Variants in RTF2 observed in about 807,000 individuals in gnomAD.
RTF2 encodes the protein UPF0549 protein C20orf43.
A neutral mutation model predicts 38.0 loss-of-function variants in RTF2; 18 were observed. The ratio of observed to expected loss-of-function variants is 0.47; its 90% CI spans 0.33 to 0.70. The LOEUF (loss-of-function observed/expected upper bound fraction) is 0.70. Among genes scored for constraint, RTF2 ranks in the 30% least tolerant of loss-of-function variants. The pLI is 0.02. For synonymous variants in RTF2, 126 were observed against 137.1 expected (o/e 0.92, Z 0.57); for missense variants, 311 against 379.6 (o/e 0.82, Z 1.50).
In RTF2 at chr20:56,518,439, C is replaced by T. The variant is rs1600842023; in HGVS notation, c.*174C>T. 1 of 592,784 alleles carries T rather than the reference C, an allele frequency of 1.7e-6. No homozygotes were observed. Among genetic ancestry groups the T allele is most frequent in the East Asian group, 3.1e-5 (1 of 32,608 alleles). 36.7% of individuals were successfully genotyped at this position (592,784 alleles called of 1,614,324 possible). A position where few individuals can be genotyped will look rare whatever the true frequency, so the allele number is the denominator to read the frequency against. On this transcript the variant is annotated 3_prime_UTR_variant, in exon 9 of 9. Coordinates refer to ENST00000357348, the MANE Select transcript of RTF2 (RefSeq NM_016407.5). ...ACTCTTGATGTGAGGCGTGTCGGTT[C>T]CAGGGGGGACATGGGAGGGGCTGCA...
At position 56,491,766 on chromosome 20, in the gene RTF2, TGTCTTC is replaced by T. The variant is rs1352652086; in HGVS notation, c.477+7579_477+7584del. 1.9e-6 allele frequency: 3 copies of T among 1,551,592 alleles called. No homozygotes were observed. In the African/African-American group the frequency reaches 4.1e-5, roughly 21 times the overall value. On this transcript the variant is annotated intron_variant, in intron 5 of 8. Transcript: ENST00000357348. ...AGGTCTCCTGGTCCGTATACGCAGATGTCTTCGACGTAGCGGCCTGCAGAAAGAAAC... is the reference window on the plus strand; with the variant it reads ...AGGTCTCCTGGTCCGTATACGCAGATGACGTAGCGGCCTGCAGAAAGAAAC...
At position 56,518,207 on chromosome 20, in the gene RTF2, C is replaced by T; in HGVS notation, c.863C>T (p.Ala288Val). The change falls in exon 9 of 9, where the codon GCC (alanine) becomes GTC (valine). Residue 288 changes from alanine (A) to valine (V), a missense_variant. Coordinates refer to ENST00000357348, the MANE Select transcript of RTF2 (RefSeq NM_016407.5). ...YKSLFTTHSS[A>V]KRSKEESAHW... Reference sequence around the variant, plus strand: ...TCCCTCTTTACCACTCACAGCTCCGCCAAGCGCTCCAAGGAGGAGTCTGCC... The same window carrying T: ...TCCCTCTTTACCACTCACAGCTCCGTCAAGCGCTCCAAGGAGGAGTCTGCC... 1 of 1,614,182 alleles carries T rather than the reference C, an allele frequency of 6.2e-7. No homozygotes were observed.
intron 5 of RTF2, among the ~76,000 whole-genome samples, chr20:56,502,733 T>A (rs1295822411): frequency 2.0e-5 from 3 of 152,344 alleles, no homozygotes; most frequent in African/African-American, 7.2e-5. Flanking sequence ...AGCAGTTGAT[T>A]TAGCACCCAA....
At chr20:56,512,936 C>T (rs1164486930) in intron 5 of RTF2, among the ~76,000 whole-genome samples, 5 of 152,186 alleles carry the variant, frequency 3.3e-5, no homozygotes, top group Non-Finnish European at 2.9e-5. Flanking sequence ...TTTATACCCT[C>T]GGCCCAGCAT....
chr20:56,487,291 T>C (rs955395666), intron 5 of RTF2, among the ~76,000 whole-genome samples: 1 of 152,164 alleles, frequency 6.6e-6, no homozygotes. Flanking sequence ...ATATCGTTGG[T>C]GCTTGGGAAG....
At chr20:56,492,223 A>T (rs1038000234) in intron 5 of RTF2, among the ~76,000 whole-genome samples, 3 of 151,548 alleles carry the variant, frequency 2.0e-5, no homozygotes, top group African/African-American at 7.3e-5. Context: ...GACCCCAGAC[A>T]TGCACCACCA....
chr20:56,497,715 C>T (rs975093626), intron 5 of RTF2: 2 of 810,980 alleles, frequency 2.5e-6, no homozygotes, highest in Admixed American at 7.6e-5. Flanking sequence ...TTCTCCCCCC[C>T]AACTTTATTG....
In RTF2 at chr20:56,484,240, A is replaced by G. The variant is rs373590025; in HGVS notation, c.477+51A>G. ...TTCCTTCTCTGTAGCTGAGGAAATC[A>G]GATGGTTTAGGGTCCTTTCCCTCCA... On this transcript the variant is annotated intron_variant, in intron 5 of 8. Transcript: ENST00000357348. The G allele has an allele frequency of 2.0e-4, 285 of 1,443,048 alleles. 2 individuals carry two copies. Among genetic ancestry groups the G allele is most frequent in the South Asian group, 1.7e-3 (145 of 87,566 alleles). The allele number at this position is 1,443,048 out of a possible 1,614,324, so 89.4% of individuals were successfully genotyped here. A position where few individuals can be genotyped will look rare whatever the true frequency, so the allele number is the denominator to read the frequency against.
chr20:56,486,385 A>C (rs1044378290), intron 5 of RTF2, among the ~76,000 whole-genome samples: 1 of 152,212 alleles, frequency 6.6e-6, no homozygotes, highest in East Asian at 1.9e-4. Flanking sequence ...ACAGTGGCTC[A>C]TGCCTGTAAT....
rs1248222611 is a variant in RTF2 at position 56,489,218 on chromosome 20, G to GTT, written c.477+5030_477+5031dup. On this transcript the variant is annotated intron_variant, in intron 5 of 8. Transcript: ENST00000357348. ...CTACAGGCGCCCACCACCATGCCTG[G>GTT]TTATTTTTTTTTTTTTTTTGTATTT... Among the ~76,000 whole-genome samples, 77 of 79,238 alleles carry GTT rather than the reference G, an allele frequency of 9.7e-4. 1 individual carries two copies. The highest frequency in any genetic ancestry group is 3.7e-3 in the African/African-American group (73 of 19,964). The allele number at this position is 79,238 out of a possible 152,430, so 52.0% of individuals were successfully genotyped here.
intron 8 of RTF2, among the ~76,000 whole-genome samples, chr20:56,517,536 C>T (rs77678507): frequency 4.0e-4 from 61 of 152,176 alleles, no homozygotes; most frequent in Admixed American, 1.2e-3. Context: ...TCAGGGCCTG[C>T]GGGGAATGCC....
chr20:56,470,099 A>G (rs1452921548), intron 1 of RTF2, among the ~76,000 whole-genome samples: 2 of 152,184 alleles, frequency 1.3e-5, no homozygotes, highest in African/African-American at 2.4e-5. Flanking sequence ...CATAATAGAC[A>G]CCTAATAAGT....
At chr20:56,490,758 G>T (rs182552832) in intron 5 of RTF2, among the ~76,000 whole-genome samples, 2 of 152,192 alleles carry the variant, frequency 1.3e-5, no homozygotes, top group African/African-American at 4.8e-5. Context: ...CAGAGATTGC[G>T]GTGAGCCGAG....
In RTF2 at chr20:56,513,444, A is replaced by G; in HGVS notation, c.591+16A>G. On this transcript the variant is annotated intron_variant, in intron 6 of 8. Coordinates refer to ENST00000357348, the MANE Select transcript of RTF2 (RefSeq NM_016407.5). ...GCTGGAAAAGGTAATGGGAGTCTTC[A>G]GGTTCCGCCCAGCCCCCATCTCTGC... 1 of 1,567,392 alleles carries G rather than the reference A, an allele frequency of 6.4e-7. No individual in the cohort carries two copies. The highest frequency in any genetic ancestry group is 8.6e-7 in the Non-Finnish European group (1 of 1,156,662).
At chr20:56,482,509 G>A (rs1982576697) in intron 4 of RTF2, among the ~76,000 whole-genome samples, 1 of 152,124 alleles carries the variant, frequency 6.6e-6, no homozygotes, top group African/African-American at 2.4e-5. Context: ...GGATATAGAG[G>A]GCCAGCTGTA....
chr20:56,505,931 T>C (rs1433962422), intron 5 of RTF2, among the ~76,000 whole-genome samples: 1 of 151,802 alleles, frequency 6.6e-6, no homozygotes, highest in Admixed American at 6.6e-5. Flanking sequence ...TACAGTGGGG[T>C]TTTTTTATGT....
At chr20:56,515,597 G>GACACACAC (rs1489597042) in intron 6 of RTF2, 3 of 41,798 alleles carry the variant, frequency 7.2e-5, no homozygotes, top group African/African-American at 1.6e-4. Context: ...GAGAGAGAGA[G>GACACACAC]AGACACACAC....
chr20:56,493,739 C>T (rs901579110), intron 5 of RTF2, among the ~76,000 whole-genome samples: 2 of 151,946 alleles, frequency 1.3e-5, no homozygotes, highest in South Asian at 2.1e-4. Flanking sequence ...CTCAGCTACA[C>T]CTTGATTATA....
At chr20:56,470,773 C>T (rs917092976) in intron 1 of RTF2, 4 of 422,438 alleles carry the variant, frequency 9.5e-6, no homozygotes, top group African/African-American at 2.0e-5. Context: ...ATAAAGATCC[C>T]TGAAGTTGAG....
Sources: gnomAD v4.1 joint callset for allele counts (sites outside exome capture counted in the v4.1 genomes callset) on GRCh38, gnomAD v4.1.1 for gene constraint, MANE v1.5 for transcripts, NCBI Gene and HGNC (gene_info 2026-07-23, HGNC 2026-07-21) for gene names.